Variants in RPL3 observed in about 807,000 individuals in gnomAD.
RPL3 encodes the protein large ribosomal subunit protein uL3.
A neutral mutation model predicts 46.0 loss-of-function variants in RPL3; 3 were observed. The observed-to-expected ratio is 0.07, with a 90% confidence interval of 0.03 to 0.17. The LOEUF is 0.17. RPL3 is among the 10% of genes least tolerant of loss of function. The probability of loss-of-function intolerance (pLI) is 1.00; values close to 1 mark genes in which losing one functional copy is unlikely to be tolerated. For missense variants in RPL3, 387 were observed against 532.7 expected (o/e 0.73, Z 2.69); for synonymous variants, 224 against 190.8 (o/e 1.17, Z -1.43).
At chr22:39,316,653 T>A in intron 4 of RPL3, 53 bp downstream of exon 4, 2 of 1,609,610 alleles carry the variant, frequency 1.2e-6, no homozygotes, top group Admixed American at 3.3e-5. Flanking sequence ...CATGATCACA[T>A]AGGTCACTTC....
At chr22:39,315,058 C>G in intron 5 of RPL3, 1 of 720,386 alleles carries the variant, frequency 1.4e-6, no homozygotes, top group South Asian at 1.8e-5. Context: ...TTAAGGCATC[C>G]ATTAGTTTAA....
At chr22:39,313,087 G>C (rs551758356) in intron 9 of RPL3, 103 bp from the exon 10 acceptor site, 9 of 1,604,618 alleles carry the variant, frequency 5.6e-6, no homozygotes, top group Non-Finnish European at 7.7e-6. Context: ...ACAGCCACAA[G>C]AGAGGCCTAA....
chr22:39,313,385 G>C (rs1011458988), intron 8 of RPL3, 75 bp from the exon 9 acceptor site: 3 of 1,585,474 alleles, frequency 1.9e-6, no homozygotes, highest in African/African-American at 1.3e-5. Flanking sequence ...CAGCGCCCCT[G>C]CATCTGGGAA....
At chr22:39,318,637 G>C (rs766409217) in intron 1 of RPL3, 45 bp from the exon 2 acceptor site, 1 of 1,499,604 alleles carries the variant, frequency 6.7e-7, no homozygotes, top group Non-Finnish European at 9.0e-7. Context: ...CCAAAGCAGT[G>C]CCCCCTTCTC....
intron 3 of RPL3, chr22:39,317,133 G>A: frequency 1.7e-6 from 1 of 588,186 alleles, no homozygotes; most frequent in East Asian, 3.0e-5. Context: ...AAGGAAATGG[G>A]ACATTCCACC....
intron 3 of RPL3, 160 bp downstream of exon 3, chr22:39,317,301 G>A: frequency 1.2e-6 from 1 of 813,286 alleles, no homozygotes; most frequent in Non-Finnish European, 1.9e-6. Flanking sequence ...CCAGATGGCT[G>A]GCCAAGTCTG....
chr22:39,314,653 C>T lies in RPL3; in HGVS notation c.849+33G>A, dbSNP rs374292805. On this transcript the variant is annotated intron_variant, in intron 6 of 9. Transcript: ENST00000216146. Reference sequence around the variant, plus strand: ...CCACTCCCCATCACGGGGGCCTCTTCCCACCCCCAGGGAGCCACTCTCAGA... The same window carrying T: ...CCACTCCCCATCACGGGGGCCTCTTTCCACCCCCAGGGAGCCACTCTCAGA... The T allele has an allele frequency of 1.9e-6, 3 of 1,591,918 alleles. No individual in the cohort carries two copies. The African/African-American group carries it at 4.0e-5, about 21-fold the overall frequency.
chr22:39,318,647 C>G, intron 1 of RPL3, 55 bp from the exon 2 acceptor site: 2 of 1,437,256 alleles, frequency 1.4e-6, no homozygotes, highest in East Asian at 2.4e-5. Context: ...GCCCCCTTCT[C>G]TAGTTCCCAG....
intron 4 of RPL3, among the ~76,000 whole-genome samples, chr22:39,316,220 C>A (rs1340167617): frequency 2.2e-5 from 3 of 136,168 alleles, no homozygotes; most frequent in Non-Finnish European, 4.6e-5. Flanking sequence ...GCCTGGGCAA[C>A]AAGAACGAAA....
At position 39,314,186 on chromosome 22, in the gene RPL3, T is replaced by C; in HGVS notation, c.872A>G (p.Tyr291Cys). 6.2e-7 allele frequency: 1 copy of C among 1,613,912 alleles called. No homozygotes were observed. The highest frequency in any genetic ancestry group is 8.5e-7 in the Non-Finnish European group (1 of 1,179,998). ...NKKIYKIGQG[Y>C]LIKDGKLIKN... ...GATCAGCTTGCCGTCCTTGATAAGG[T>C]AGCCCTGGCCAATCTTATAAATCTG... is the stretch of plus-strand genomic sequence containing the variant. The change falls in exon 7 of 10, where the codon TAC (tyrosine) becomes TGC (cysteine). Residue 291 changes from tyrosine (Y) to cysteine (C), a missense_variant. By Grantham distance (194) the Tyr-to-Cys change is radical. Around this residue, in one of 5 missense-constraint regions of RPL3, gnomAD observed 131 missense variants for 185.1 expected, o/e 0.71. Coordinates refer to ENST00000216146, the MANE Select transcript of RPL3 (RefSeq NM_000967.4).
intron 1 of RPL3, 170 bp downstream of exon 1, chr22:39,319,425 A>C (rs933151515): frequency 7.6e-6 from 7 of 919,998 alleles, no homozygotes; most frequent in African/African-American, 1.7e-5. Context: ...AGCGCTCTTC[A>C]CAAGCCTCTC....
In RPL3 at chr22:39,315,430, T is replaced by C; in HGVS notation, c.627A>G (p.Gln209=). The change falls in exon 5 of 10, where the codon CAA becomes CAG. Residue 209 remains glutamine, a synonymous_variant. Coordinates refer to ENST00000216146, the MANE Select transcript of RPL3 (RefSeq NM_000967.4). ...ERLEQQVPVN[Q]VFGQDEMIDV... ...CGATCATCTCATCCTGCCCAAACAC[T>C]TGGTTCACAGGTACCTGCTGCTCAA... 6.2e-7 allele frequency: 1 copy of C among 1,613,968 alleles called. No individual in the cohort carries two copies. Among genetic ancestry groups the C allele is most frequent in the Non-Finnish European group, 8.5e-7 (1 of 1,180,032 alleles).
intron 1 of RPL3, chr22:39,319,365 C>G (rs1484351755): frequency 1.6e-6 from 1 of 626,364 alleles, no homozygotes; most frequent in Non-Finnish European, 2.9e-6. Context: ...CCTGCTCCCA[C>G]CCTTACGGCC....
At chr22:39,319,326 CAT>C in intron 1 of RPL3, 1 of 592,276 alleles carries the variant, frequency 1.7e-6, no homozygotes, top group Non-Finnish European at 3.0e-6. Flanking sequence ...AGAAATGACT[CAT>C]GGCTTTAAAA....
At chr22:39,319,096 A>T (rs112548628) in intron 1 of RPL3, 2 of 538,118 alleles carry the variant, frequency 3.7e-6, no homozygotes, top group Non-Finnish European at 7.6e-6. Context: ...CCGCCCGTCA[A>T]TAAGTTCATC....
At chr22:39,313,092 G>A (rs1922459041) in intron 9 of RPL3, 99 bp downstream of exon 9, 2 of 1,603,580 alleles carry the variant, frequency 1.2e-6, no homozygotes, top group Non-Finnish European at 1.7e-6. Context: ...CACAAGAGAG[G>A]CCTAAGGCAT....
In RPL3 at chr22:39,313,686, A is replaced by G. The variant is rs1323130505; in HGVS notation, c.995T>C (p.Met332Thr). The G allele has an allele frequency of 6.2e-7, 1 of 1,613,970 alleles. No homozygotes were observed. The highest frequency in any genetic ancestry group is 8.5e-7 in the Non-Finnish European group (1 of 1,180,042). ...HYGEVTNDFV[M>T]LKGCVVGTKK... is the part of the protein sequence containing the mutation. ...GGTTCCCACCACACAGCCTTTCAGC[A>G]TGACAAAGTCATTGGTCACTTCACC... The change falls in exon 8 of 10, where the codon ATG becomes ACG. Residue 332 changes from methionine to threonine, a missense_variant. This residue lies in a region of RPL3 where 131 missense variants were observed against 185.1 expected (regional missense o/e 0.71). Transcript: ENST00000216146.
intron 1 of RPL3, chr22:39,319,374 CCT>C (rs1922908554): frequency 7.8e-6 from 5 of 637,328 alleles, no homozygotes; most frequent in South Asian, 1.9e-5. Context: ...ACCCTTACGG[CCT>C]CTCTCTGGCC....
chr22:39,317,144 C>G, intron 3 of RPL3: 1 of 583,494 alleles, frequency 1.7e-6, no homozygotes, highest in East Asian at 3.0e-5. Flanking sequence ...ACATTCCACC[C>G]AGGGCCAGAG....
Sources: gnomAD v4.1 joint callset for allele counts (sites outside exome capture counted in the v4.1 genomes callset) on GRCh38, gnomAD v4.1.1 for gene constraint, gnomAD v4.1.1 regional missense constraint, MANE v1.5 for transcripts, NCBI Gene and HGNC (gene_info 2026-07-23, HGNC 2026-07-21) for gene names.